Variants in SLC4A10 observed in about 807,000 individuals in gnomAD.
SLC4A10 encodes solute carrier family 4 member 10.
A neutral mutation model predicts 137.7 loss-of-function variants in SLC4A10; 42 were observed. The ratio of observed to expected loss-of-function variants is 0.30; its 90% CI spans 0.24 to 0.39. The LOEUF (loss-of-function observed/expected upper bound fraction) is 0.39. SLC4A10 is among the 10% of genes least tolerant of loss of function. SLC4A10 has a pLI of 1.00. For missense variants in SLC4A10, 925 were observed against 1,355.0 expected (o/e 0.68, Z 4.98); for synonymous variants, 474 against 464.1 (o/e 1.02, Z -0.27).
intron 8 of SLC4A10, among the ~76,000 whole-genome samples, chr2:161,874,586 C>T (rs1244249673): frequency 1.3e-5 from 2 of 152,170 alleles, no homozygotes; most frequent in Non-Finnish European, 2.9e-5. Context: ...TTTTCTTTCT[C>T]TTCACATTTG....
chr2:161,689,924 G>C (rs1208295872), intron 1 of SLC4A10, among the ~76,000 whole-genome samples: 1 of 152,040 alleles, frequency 6.6e-6, no homozygotes, highest in African/African-American at 2.4e-5. Context: ...GAACACACCA[G>C]GCTCCCAGAC....
At chr2:161,901,343 A>C (rs1683063061) in intron 12 of SLC4A10, among the ~76,000 whole-genome samples, 1 of 152,218 alleles carries the variant, frequency 6.6e-6, no homozygotes, top group Non-Finnish European at 1.5e-5. Flanking sequence ...GAAGATAGAA[A>C]TAAAACTAAA....
chr2:161,925,848 A>T (rs374836495), intron 15 of SLC4A10, among the ~76,000 whole-genome samples: 1 of 151,858 alleles, frequency 6.6e-6, no homozygotes, highest in Non-Finnish European at 1.5e-5. Flanking sequence ...CAGTTTCCAT[A>T]TAGTTGAGCG....
chr2:161,772,085 C>A (rs1029261329), intron 2 of SLC4A10, among the ~76,000 whole-genome samples: 1 of 151,770 alleles, frequency 6.6e-6, no homozygotes, highest in Non-Finnish European at 1.5e-5. Flanking sequence ...CCGACTCTTG[C>A]CTGACATTTT....
intron 1 of SLC4A10, among the ~76,000 whole-genome samples, chr2:161,753,353 A>T (rs1403758680): frequency 4.6e-5 from 7 of 152,138 alleles, no homozygotes; most frequent in Non-Finnish European, 1.5e-5. Context: ...CTTATTTCCC[A>T]TTCTTTACAC....
At chr2:161,710,853 T>A in intron 1 of SLC4A10, 1 of 277,400 alleles carries the variant, frequency 3.6e-6, no homozygotes, top group South Asian at 3.5e-5. Context: ...TTATGAGGAA[T>A]GCAGAAAAGA....
intron 19 of SLC4A10, 104 bp from the exon 20 acceptor site, chr2:161,956,885 G>A (rs951274798): frequency 1.4e-5 from 17 of 1,246,388 alleles, no homozygotes; most frequent in Non-Finnish European, 1.6e-5. Flanking sequence ...TGATATGAAG[G>A]GCTTGTTGAG....
intron 4 of SLC4A10, among the ~76,000 whole-genome samples, chr2:161,850,003 T>A (rs1575274060): frequency 7.4e-6 from 1 of 134,356 alleles, no homozygotes; most frequent in Non-Finnish European, 1.7e-5. Flanking sequence ...TGGCTGTGAC[T>A]CCATCTGATC....
At chr2:161,971,753 C>A (rs1698582586) in intron 23 of SLC4A10, among the ~76,000 whole-genome samples, 1 of 152,230 alleles carries the variant, frequency 6.6e-6, no homozygotes, top group Middle Eastern at 3.2e-3. Flanking sequence ...ACCCAGCTTC[C>A]TTCTGGCACT....
intron 1 of SLC4A10, among the ~76,000 whole-genome samples, chr2:161,689,654 A>G (rs550382204): frequency 6.6e-6 from 1 of 152,304 alleles, no homozygotes; most frequent in African/African-American, 2.4e-5. Context: ...TAATACTGTA[A>G]TTAATATTTG....
chr2:161,758,190 T>C (rs2049874607), intron 1 of SLC4A10, among the ~76,000 whole-genome samples: 1 of 151,988 alleles, frequency 6.6e-6, no homozygotes, highest in East Asian at 1.9e-4. Flanking sequence ...ATAGTTCTAC[T>C]ACTTTTTAAG....
intron 1 of SLC4A10, among the ~76,000 whole-genome samples, chr2:161,664,631 A>T (rs2105738238): frequency 6.6e-6 from 1 of 151,934 alleles, no homozygotes; most frequent in Non-Finnish European, 1.5e-5. Flanking sequence ...AACTGCTGTG[A>T]GAGGAATATT....
chr2:161,767,283 T>C (rs2051013106), intron 1 of SLC4A10, among the ~76,000 whole-genome samples: 1 of 147,288 alleles, frequency 6.8e-6, no homozygotes, highest in Non-Finnish European at 1.5e-5. Flanking sequence ...CATGAGCATT[T>C]TTAAACTTTA....
intron 25 of SLC4A10, among the ~76,000 whole-genome samples, 187 bp from the exon 26 acceptor site, chr2:161,977,535 G>A (rs1248920576): frequency 2.0e-5 from 3 of 152,136 alleles, no homozygotes; most frequent in Admixed American, 2.0e-4. Context: ...AAGAGTTCAA[G>A]TCACCCAGTC....
At chr2:161,660,581 T>TTTCTTTCTTTCTTTC (rs1558969017) in intron 1 of SLC4A10, among the ~76,000 whole-genome samples, 1 of 131,310 alleles carries the variant, frequency 7.6e-6, no homozygotes, top group Non-Finnish European at 1.7e-5. Flanking sequence ...TCTTTCTTTC[T>TTTCTTTCTTTCTTTC]TTCTTTCTTT....
intron 2 of SLC4A10, among the ~76,000 whole-genome samples, chr2:161,775,843 T>C (rs1229999734): frequency 6.6e-6 from 1 of 151,818 alleles, no homozygotes; most frequent in Non-Finnish European, 1.5e-5. Flanking sequence ...TAAGGGTAAA[T>C]TAATGAAGCA....
chr2:161,777,135 A>T (rs1282845124), intron 2 of SLC4A10, among the ~76,000 whole-genome samples: 2 of 151,528 alleles, frequency 1.3e-5, no homozygotes, highest in African/African-American at 2.4e-5. Flanking sequence ...AAAAAAGTTA[A>T]AATTAATTTT....
intron 16 of SLC4A10, among the ~76,000 whole-genome samples, chr2:161,946,448 C>T (rs778793301): frequency 2.6e-5 from 4 of 151,974 alleles, no homozygotes; most frequent in African/African-American, 7.2e-5. Context: ...GTTGGGCAGA[C>T]TCTGTGTTTG....
chr2:161,929,086 A>G (rs1689826488), intron 15 of SLC4A10, among the ~76,000 whole-genome samples: 1 of 152,064 alleles, frequency 6.6e-6, no homozygotes, highest in South Asian at 2.1e-4. Context: ...TGGCCCTTTT[A>G]TTTCTGAGGT....
Sources: allele counts gnomAD v4.1 joint callset (sites outside exome capture counted in the v4.1 genomes callset), GRCh38; gene constraint gnomAD v4.1.1; transcripts MANE v1.5; gene names NCBI Gene and HGNC (gene_info 2026-07-23, HGNC 2026-07-21).